Variants in ARAP1 observed in about 807,000 individuals in gnomAD.
ARAP1 encodes the protein arf-GAP with Rho-GAP domain, ANK repeat and PH domain-containing protein 1.
In ARAP1, 76 loss-of-function variants were observed where a neutral mutation model predicts 172.2. That is an observed-to-expected ratio of 0.44 (90% CI 0.37 to 0.53). The LOEUF (loss-of-function observed/expected upper bound fraction) is 0.53. ARAP1 is among the 20% of genes least tolerant of loss of function. The pLI is 0.00. For missense variants in ARAP1, 1,686 were observed against 1,977.5 expected (o/e 0.85, Z 2.80); for synonymous variants, 804 against 803.3 (o/e 1.00, Z -0.01).
intron 1 of ARAP1, among the ~76,000 whole-genome samples, chr11:72,746,640 TGGAGA>T (rs1195553561): frequency 6.6e-6 from 1 of 151,704 alleles, no homozygotes; most frequent in African/African-American, 2.4e-5. Context: ...GAGAAGGGAG[TGGAGA>T]GGAGTGGAAC....
intron 2 of ARAP1, 87 bp from the exon 3 acceptor site, chr11:72,727,259 A>G (rs1256075438): frequency 3.3e-6 from 4 of 1,212,696 alleles, no homozygotes; most frequent in Non-Finnish European, 3.4e-6. Context: ...CTCTCAAGCC[A>G]TAGGTTCAAG....
chr11:72,695,721 A>C lies in ARAP1; in HGVS notation c.3417T>G (p.Phe1139Leu), dbSNP rs1856158839. Residue 1139 changes from phenylalanine to leucine, a missense_variant, in exon 24 of 35, where the codon TTT (phenylalanine) becomes TTG (leucine). Phe to Leu is a conservative substitution (Grantham distance 22, BLOSUM62 0). Coordinates refer to ENST00000393609, the MANE Select transcript of ARAP1 (RefSeq NM_001040118.3). This position sits in a 1 kb window ranked among gnomAD's most constrained non-coding sequence, Gnocchi z 4.4. ...TGCCCACTGGCCAGGGACGCACACT[A>C]AACACCACCACATAGTGGTTAATGA... ...EDLINHYVVV[F>L]SVDEEELRKQ... The C allele has an allele frequency of 1.9e-6, 3 of 1,614,164 alleles. No individual in the cohort carries two copies. Among genetic ancestry groups the C allele is most frequent in the African/African-American group, 2.7e-5 (2 of 75,044 alleles).
Position 72,709,987 on chromosome 11 carries a change from GA to G in ARAP1, c.1417-12del. On this transcript the variant is annotated splice_polypyrimidine_tract_variant and intron_variant, in intron 10 of 34. Coordinates refer to ENST00000393609, the MANE Select transcript of ARAP1 (RefSeq NM_001040118.3). ...GCCCAGGTGGTACTCCTGGAGGGCA[GA>G]TGGGACGGGATGAGGGCAAGGCTTT... is the stretch of plus-strand genomic sequence containing the variant. The G allele has an allele frequency of 6.2e-7, 1 of 1,609,278 alleles. No individual in the cohort carries two copies. The highest frequency in any genetic ancestry group is 1.7e-5 in the Admixed American group (1 of 60,002).
chr11:72,721,939 C>A, intron 3 of ARAP1: 1 of 986,518 alleles, frequency 1.0e-6, no homozygotes. Context: ...TGTACCTGCC[C>A]GTGCAAGCCT....
At position 72,713,310 on chromosome 11, in the gene ARAP1, T is replaced by A. The variant is rs946311930; in HGVS notation, c.680-67A>T. 6.1e-6 allele frequency: 9 copies of A among 1,466,184 alleles called. No individual in the cohort carries two copies. In the African/African-American group the frequency reaches 1.1e-4, roughly 18 times the overall value. The allele number at this position is 1,466,184 out of a possible 1,614,324, so 90.8% of individuals were successfully genotyped here. ...GGCCTCCTCTCCTGGGGCACCACACTGGGCTTCACAAAGCCTCCCCCATGC... is the reference window on the plus strand; with the variant it reads ...GGCCTCCTCTCCTGGGGCACCACACAGGGCTTCACAAAGCCTCCCCCATGC... On this transcript the variant is annotated intron_variant, in intron 4 of 34. Coordinates refer to ENST00000393609, the MANE Select transcript of ARAP1 (RefSeq NM_001040118.3).
chr11:72,710,669 C>A lies in ARAP1; in HGVS notation c.1214-82G>T. ...TCCTGGCCCTAGGCTCCTCATGCAA[C>A]ACCTCCTCCAGAAAGCCCACTCAGA... On this transcript the variant is annotated intron_variant, in intron 9 of 34. Transcript: ENST00000393609. This position sits in a 1 kb window ranked among gnomAD's most constrained non-coding sequence, Gnocchi z 4.3. 7.3e-7 allele frequency: 1 copy of A among 1,376,734 alleles called. No individual in the cohort carries two copies. Among genetic ancestry groups the A allele is most frequent in the Non-Finnish European group, 9.7e-7 (1 of 1,031,062 alleles). 85.3% of individuals were successfully genotyped at this position (1,376,734 alleles called of 1,614,324 possible). A position where few individuals can be genotyped will look rare whatever the true frequency, so the allele number is the denominator to read the frequency against.
chr11:72,693,738 C>T lies in ARAP1; in HGVS notation c.3762G>A (p.Leu1254=), dbSNP rs1437281493. ...CCATGGCCTGGTGCTTCTTCACCAC[C>T]AGGTGGCTGTCCGTGCCCAGCCCGT... ...ILHGLGTDSH[L]VVKKHQAMEA... The change falls in exon 28 of 35, where the codon CTG becomes CTA. Residue 1254 remains leucine (L), a synonymous_variant. Coordinates refer to ENST00000393609, the MANE Select transcript of ARAP1 (RefSeq NM_001040118.3). The surrounding 1 kb of genome is among the most constrained non-coding windows in gnomAD (Gnocchi z 4.6). The T allele has an allele frequency of 6.2e-7, 1 of 1,611,172 alleles. No individual in the cohort carries two copies. Among genetic ancestry groups the T allele is most frequent in the East Asian group, 2.2e-5 (1 of 44,738 alleles).
Position 72,712,855 on chromosome 11 carries a change from C to T in ARAP1, c.748-287G>A, listed in dbSNP as rs60659381. 0.017 allele frequency: 10,249 copies of T among 599,700 alleles called. 296 individuals are homozygous for T. Among genetic ancestry groups the T allele is most frequent in the African/African-American group, 0.096 (5,196 of 53,928 alleles). 37.1% of individuals were successfully genotyped at this position (599,700 alleles called of 1,614,324 possible). A position where few individuals can be genotyped will look rare whatever the true frequency, so the allele number is the denominator to read the frequency against. On this transcript the variant is annotated intron_variant, in intron 5 of 34. Coordinates refer to ENST00000393609, the MANE Select transcript of ARAP1 (RefSeq NM_001040118.3). ...GCTAGGGATGCAAGACAGACAGACA[C>T]GGGAACACAAGAAGTGAAACAGAGA...
Position 72,726,169 on chromosome 11 carries a change from G to T in ARAP1, c.509+451C>A, listed in dbSNP as rs900594492. On this transcript the variant is annotated intron_variant, in intron 3 of 34. Transcript: ENST00000393609. The surrounding 1 kb of genome is among the most constrained non-coding windows in gnomAD (Gnocchi z 6.5). ...AGGGTGTGAAAGAGCACACCACCAG[G>T]ACCTGGGCAGTCCCCTCACCCCCAA... is the stretch of plus-strand genomic sequence containing the variant. Among the ~76,000 whole-genome samples, 1 of 151,950 alleles carries T rather than the reference G, an allele frequency of 6.6e-6. No homozygotes were observed. Among genetic ancestry groups the T allele is most frequent in the African/African-American group, 2.4e-5 (1 of 41,320 alleles).
At position 72,712,552 on chromosome 11, in the gene ARAP1, C is replaced by G; in HGVS notation, c.764G>C (p.Ser255Thr). 5.6e-6 allele frequency: 9 copies of G among 1,613,176 alleles called. No individual in the cohort carries two copies. The highest frequency in any genetic ancestry group is 6.8e-6 in the Non-Finnish European group (8 of 1,179,960). ...VMTKKEEPPP[S>T]RVPRAVRVAS... The stretch of plus-strand genomic sequence containing the variant: ...CACGCGCACGGCCCGTGGGACTCGG[C>G]TCGGTGGGGGCTCCTCCTGCCCCCG... The change falls in exon 6 of 35, where the codon AGC becomes ACC. Residue 255 changes from serine to threonine, a missense_variant. By Grantham distance (58) the Ser-to-Thr change is moderately conservative. Coordinates refer to ENST00000393609, the MANE Select transcript of ARAP1 (RefSeq NM_001040118.3).
At chr11:72,688,749 C>T (rs1855797975) in intron 30 of ARAP1, 1 of 550,986 alleles carries the variant, frequency 1.8e-6, no homozygotes, top group Non-Finnish European at 3.3e-6. Flanking sequence ...GGCCTGTCTC[C>T]CTGCAGCAGT....
chr11:72,685,854 C>T (rs1445223175), intron 34 of ARAP1, 173 bp from the exon 35 acceptor site: 1 of 1,352,684 alleles, frequency 7.4e-7, no homozygotes. Context: ...GCTTCCAGGG[C>T]CAGGCAGAAG....
rs573176099 is a variant in ARAP1 at position 72,715,955 on chromosome 11, G to A, written c.510-1634C>T. On this transcript the variant is annotated intron_variant, in intron 3 of 34. Coordinates refer to ENST00000393609, the MANE Select transcript of ARAP1 (RefSeq NM_001040118.3). ...TGGGAGGCCAAGGCGCGCGGATCAC[G>A]AGGTCAGGAGATCGAGACCATCCTG... 7.2e-4 allele frequency among the ~76,000 whole-genome samples: 109 copies of A among 152,032 alleles called. 1 individual carries two copies. Among genetic ancestry groups the A allele is most frequent in the South Asian group, 3.3e-3 (16 of 4,814 alleles).
chr11:72,687,238 C>G (rs1855730149), intron 33 of ARAP1: 1 of 671,000 alleles, frequency 1.5e-6, no homozygotes, highest in African/African-American at 1.8e-5. Flanking sequence ...TCCTGTCTGT[C>G]CCTAGCATCC....
Position 72,701,923 on chromosome 11 carries a change from C to T in ARAP1, c.2168-140G>A. ...CCCTAACTGGCAGCCTCAAGCTCCC[C>T]CTCCTACCTGCAGGGTCTTGTCCAG... On this transcript the variant is annotated intron_variant, in intron 15 of 34. Coordinates refer to ENST00000393609, the MANE Select transcript of ARAP1 (RefSeq NM_001040118.3). The T allele has an allele frequency of 6.3e-6, 7 of 1,111,158 alleles. 1 individual carries two copies. The South Asian group carries it at 1.0e-4, about 16-fold the overall frequency. The allele number at this position is 1,111,158 out of a possible 1,614,324, so 68.8% of individuals were successfully genotyped here. A position where few individuals can be genotyped will look rare whatever the true frequency, so the allele number is the denominator to read the frequency against.
chr11:72,748,318 A>G (rs533214053), intron 1 of ARAP1, among the ~76,000 whole-genome samples: 3 of 152,200 alleles, frequency 2.0e-5, no homozygotes, highest in African/African-American at 4.8e-5. Context: ...TCAGGAGTTC[A>G]AGATCATCCT....
Position 72,712,580 on chromosome 11 carries a change from A to C in ARAP1, c.748-12T>G. 1 of 1,610,740 alleles carries C rather than the reference A, an allele frequency of 6.2e-7. No individual in the cohort carries two copies. The highest frequency in any genetic ancestry group is 8.5e-7 in the Non-Finnish European group (1 of 1,179,860). ...GGTGGGGGCTCCTCCTGCCCCCGAG[A>C]CCCACTCAGCGTCATCCTTCCCTTC... On this transcript the variant is annotated splice_polypyrimidine_tract_variant and intron_variant, in intron 5 of 34. Transcript: ENST00000393609.
chr11:72,699,507 T>C lies in ARAP1; in HGVS notation c.2348A>G (p.Tyr783Cys). Residue 783 changes from tyrosine to cysteine, a missense_variant, in exon 17 of 35, where the codon TAC becomes TGC. Tyr to Cys is a radical substitution (Grantham distance 194). Transcript: ENST00000393609. The surrounding 1 kb of genome is among the most constrained non-coding windows in gnomAD (Gnocchi z 4.2). ...GGTCACTGCCCGCTCATTCTCAAAG[T>C]AGCTCAGGACCCCGTCACCAAGGAC... The part of the protein sequence containing the change: ...WCVLGDGVLS[Y>C]FENERAVTPN... 3 of 1,613,876 alleles carry C rather than the reference T, an allele frequency of 1.9e-6. No homozygotes were observed. The highest frequency in any genetic ancestry group is 2.5e-6 in the Non-Finnish European group (3 of 1,179,934).
chr11:72,701,111 T>C (rs773828453), intron 16 of ARAP1, among the ~76,000 whole-genome samples: 1 of 152,076 alleles, frequency 6.6e-6, no homozygotes, highest in African/African-American at 2.4e-5. Context: ...GGACTGGCCA[T>C]GCAGATACCT....
Sources: gnomAD v4.1 joint callset for allele counts (sites outside exome capture counted in the v4.1 genomes callset) on GRCh38, gnomAD v4.1.1 for gene constraint, Gnocchi (gnomAD v3.1) non-coding constraint, MANE v1.5 for transcripts, NCBI Gene and HGNC (gene_info 2026-07-23, HGNC 2026-07-21) for gene names.